UNC13C: variants seen among roughly 807,000 people sequenced by gnomAD.
UNC13C encodes unc-13 homolog C, also known as protein unc-13 homolog C.
In UNC13C, 174 loss-of-function variants were observed where a neutral mutation model predicts 245.4. The observed-to-expected ratio is 0.71, with a 90% CI of 0.63 to 0.80. The LOEUF is 0.80. Ranked by LOEUF, UNC13C falls within the 30% of genes least tolerant of loss-of-function variation. UNC13C has a pLI of 0.00. For synonymous variants in UNC13C, 992 were observed against 895.1 expected, an observed-to-expected ratio of 1.11 and a Z score of -1.93; for missense variants, 2,829 against 2,602.9, an observed-to-expected ratio of 1.09 and a Z score of -1.89.
chr15:54,548,285 G>C (rs1468323638), intron 27 of UNC13C, among the ~76,000 whole-genome samples: 2 of 137,328 alleles, frequency 1.5e-5, no homozygotes, highest in Non-Finnish European at 3.1e-5. Context: ...GCAGTGGCGC[G>C]ATCTCGGCTC....
At chr15:54,170,695 C>T (rs568206086) in intron 4 of UNC13C, among the ~76,000 whole-genome samples, 3 of 152,120 alleles carry the variant, frequency 2.0e-5, no homozygotes, top group Non-Finnish European at 2.9e-5. Flanking sequence ...TTAGAGATGG[C>T]GCTCAGAAGG....
chr15:54,512,731 A>C (rs937684562), intron 24 of UNC13C, among the ~76,000 whole-genome samples: 2 of 152,154 alleles, frequency 1.3e-5, no homozygotes, highest in Non-Finnish European at 2.9e-5. Flanking sequence ...TTCCCGTGGG[A>C]AAGTTTATGA....
At chr15:54,321,478 C>G (rs2038157104) in intron 13 of UNC13C, 1 of 485,748 alleles carries the variant, frequency 2.1e-6, no homozygotes, top group African/African-American at 2.0e-5. Flanking sequence ...CTACATCCAC[C>G]TCCTCCACAG....
At chr15:53,925,094 T>C in the UNC13C span, among the ~76,000 whole-genome samples, 1 of 152,154 alleles carries the variant, frequency 6.6e-6, no homozygotes. Context: ...CTTAGTTTCA[T>C]GGGGAATGTC....
At chr15:54,554,946 C>T (rs1016805395) in intron 28 of UNC13C, among the ~76,000 whole-genome samples, 2 of 151,840 alleles carry the variant, frequency 1.3e-5, no homozygotes, top group East Asian at 1.9e-4. Context: ...TAGTTAATTC[C>T]TTGGGGCTTT....
At chr15:54,398,049 A>G (rs1004248797) in intron 18 of UNC13C, among the ~76,000 whole-genome samples, 20 of 151,456 alleles carry the variant, frequency 1.3e-4, no homozygotes, top group African/African-American at 4.6e-4. Flanking sequence ...TAGGGAAAGC[A>G]TAGAGATTTT....
In UNC13C at chr15:54,233,827, G is replaced by T. The variant is rs150879711; in HGVS notation, c.3072-1203G>T. ...ATGACAGAGATGCCTAGCTATTACC[G>T]AGGGGCATGAACTGTGTTGTTCATG... On this transcript the variant is annotated intron_variant, in intron 4 of 32. Coordinates refer to ENST00000260323, the MANE Select transcript of UNC13C (RefSeq NM_001080534.3). 4.0e-3 allele frequency among the ~76,000 whole-genome samples: 611 copies of T among 152,252 alleles called. 3 individuals carry two copies. The highest frequency in any genetic ancestry group is 0.013 in the African/African-American group (522 of 41,546).
chr15:54,511,905 G>T (rs2141117451), intron 24 of UNC13C, 75 bp downstream of exon 24: 1 of 1,097,474 alleles, frequency 9.1e-7, no homozygotes, highest in Non-Finnish European at 1.3e-6. Flanking sequence ...TGCTATGAAA[G>T]TGTCTTAATC....
At chr15:54,246,856 A>G (rs1435971102) in intron 7 of UNC13C, among the ~76,000 whole-genome samples, 1 of 152,144 alleles carries the variant, frequency 6.6e-6, no homozygotes, top group East Asian at 1.9e-4. Flanking sequence ...ACCATGGCAC[A>G]TGTTTACTTA....
intron 13 of UNC13C, among the ~76,000 whole-genome samples, chr15:54,319,640 A>G (rs2038099180): frequency 6.6e-6 from 1 of 151,986 alleles, no homozygotes; most frequent in Non-Finnish European, 1.5e-5. Context: ...GAAAAGCCAC[A>G]GTTTTCAGGA....
rs902729484 is a variant in UNC13C, at chr15:54,224,907, C to T, written c.3072-10123C>T. Among the ~76,000 whole-genome samples, 4 of 151,846 alleles carry T rather than the reference C, an allele frequency of 2.6e-5. No homozygotes were observed. The South Asian group carries it at 8.3e-4, about 32-fold the overall frequency. On this transcript the variant is annotated intron_variant, in intron 4 of 32. Coordinates refer to ENST00000260323, the MANE Select transcript of UNC13C (RefSeq NM_001080534.3). ...TATGTGTTTAGTAATTTATTAATTT[C>T]TTCTAGGTTTTCCAATTTATTGGCA...
At chr15:54,215,435 G>T (rs1025606093) in intron 4 of UNC13C, among the ~76,000 whole-genome samples, 1 of 151,808 alleles carries the variant, frequency 6.6e-6, no homozygotes, top group Non-Finnish European at 1.5e-5. Flanking sequence ...TTTAAAAAAT[G>T]GCATTAGCTT....
chr15:54,379,999 A>G (rs1265772654), intron 17 of UNC13C, among the ~76,000 whole-genome samples: 2 of 152,142 alleles, frequency 1.3e-5, no homozygotes, highest in South Asian at 4.1e-4. Flanking sequence ...AGAACAATTT[A>G]TATCTATTCT....
At chr15:54,036,430 T>C (rs539181350) in intron 2 of UNC13C, among the ~76,000 whole-genome samples, 2 of 152,304 alleles carry the variant, frequency 1.3e-5, no homozygotes, top group African/African-American at 4.8e-5. Flanking sequence ...CCCAGAAATG[T>C]TATGCATTTC....
At chr15:54,372,273 T>C (rs1421943165) in intron 17 of UNC13C, among the ~76,000 whole-genome samples, 1 of 152,104 alleles carries the variant, frequency 6.6e-6, no homozygotes, top group African/African-American at 2.4e-5. Flanking sequence ...ATATGTCATA[T>C]CAGTGAGCTT....
chr15:54,617,008 G>A (rs1177400419), intron 30 of UNC13C, among the ~76,000 whole-genome samples: 1 of 152,050 alleles, frequency 6.6e-6, no homozygotes, highest in Non-Finnish European at 1.5e-5. Flanking sequence ...TACTGTAAAG[G>A]TTTGTAGCCT....
At chr15:54,225,500 T>C (rs2035354864) in intron 4 of UNC13C, among the ~76,000 whole-genome samples, 1 of 152,228 alleles carries the variant, frequency 6.6e-6, no homozygotes, top group Admixed American at 6.5e-5. Flanking sequence ...TGGTGGTTTG[T>C]AGTTCTCCTT....
At chr15:53,866,055 T>G in the UNC13C span, among the ~76,000 whole-genome samples, 1 of 152,124 alleles carries the variant, frequency 6.6e-6, no homozygotes, top group Non-Finnish European at 1.5e-5. Context: ...AATAAACTTC[T>G]AAAAACTCAG....
chr15:54,269,257 C>T (rs1038581166), intron 10 of UNC13C, among the ~76,000 whole-genome samples: 1 of 151,838 alleles, frequency 6.6e-6, no homozygotes, highest in Non-Finnish European at 1.5e-5. Context: ...GACATATCTC[C>T]ATTATATTGA....
Sources: gnomAD v4.1 joint callset for allele counts (sites outside exome capture counted in the v4.1 genomes callset) on GRCh38, gnomAD v4.1.1 for gene constraint, MANE v1.5 for transcripts, NCBI Gene and HGNC (gene_info 2026-07-23, HGNC 2026-07-21) for gene names.